Variants in ZNF385B observed in about 807,000 individuals in gnomAD.
ZNF385B encodes zinc finger protein 533.
A neutral mutation model predicts 39.2 loss-of-function variants in ZNF385B; 23 were observed. That is an observed-to-expected ratio of 0.59 (90% confidence interval 0.42 to 0.83). ZNF385B has a LOEUF of 0.83. Ranked by LOEUF, ZNF385B falls within the 40% of genes least tolerant of loss-of-function variation. ZNF385B has a pLI of 0.00. For synonymous variants in ZNF385B, 205 were observed against 222.6 expected (o/e 0.92, Z 0.70); for missense variants, 552 against 598.9 (o/e 0.92, Z 0.82).
intron 3 of ZNF385B, among the ~76,000 whole-genome samples, chr2:179,570,885 T>C (rs930211026): frequency 3.9e-5 from 6 of 152,212 alleles, no homozygotes; most frequent in Admixed American, 3.3e-4. Flanking sequence ...TCTGCATATG[T>C]TTCTGAAAAG....
intron 5 of ZNF385B, among the ~76,000 whole-genome samples, chr2:179,488,729 T>C (rs1361246920): frequency 6.6e-6 from 1 of 152,150 alleles, no homozygotes; most frequent in Non-Finnish European, 1.5e-5. Flanking sequence ...TAGATTTCAA[T>C]GTGTTAAGCA....
intron 3 of ZNF385B, among the ~76,000 whole-genome samples, chr2:179,604,354 G>C (rs1299274347): frequency 1.3e-5 from 2 of 151,786 alleles, no homozygotes; most frequent in Non-Finnish European, 2.9e-5. Context: ...CCTAAGACGG[G>C]GCTAATGATG....
intron 3 of ZNF385B, among the ~76,000 whole-genome samples, chr2:179,753,271 C>G (rs1702794281): frequency 6.6e-6 from 1 of 152,136 alleles, no homozygotes; most frequent in Non-Finnish European, 1.5e-5. Context: ...TCTGAGGGCT[C>G]TGTTCTGTTC....
At chr2:179,701,061 A>T (rs1423467089) in intron 3 of ZNF385B, among the ~76,000 whole-genome samples, 1 of 152,194 alleles carries the variant, frequency 6.6e-6, no homozygotes, top group Non-Finnish European at 1.5e-5. Context: ...ACTCATTGGT[A>T]TCATCTATAT....
intron 3 of ZNF385B, among the ~76,000 whole-genome samples, chr2:179,576,477 C>CA (rs1685832039): frequency 6.6e-6 from 1 of 152,150 alleles, no homozygotes; most frequent in Non-Finnish European, 1.5e-5. Context: ...CCTACATGGT[C>CA]ATAAATCTGA....
intron 3 of ZNF385B, among the ~76,000 whole-genome samples, chr2:179,637,958 C>T (rs1163355369): frequency 6.6e-6 from 1 of 152,148 alleles, no homozygotes; most frequent in Non-Finnish European, 1.5e-5. Flanking sequence ...TGAATTTGGA[C>T]TGGATTTTCG....
chr2:179,710,318 G>A (rs1575309287), intron 3 of ZNF385B, among the ~76,000 whole-genome samples: 2 of 152,196 alleles, frequency 1.3e-5, no homozygotes, highest in East Asian at 3.9e-4. Context: ...TATTGCCCTT[G>A]CCACAGGACT....
chr2:179,624,897 C>G (rs770499484), intron 3 of ZNF385B, among the ~76,000 whole-genome samples: 1 of 152,172 alleles, frequency 6.6e-6, no homozygotes, highest in Non-Finnish European at 1.5e-5. Flanking sequence ...TCTCTACCAT[C>G]CAGTTCCGTT....
At chr2:179,482,605 T>C (rs1225633641) in intron 6 of ZNF385B, among the ~76,000 whole-genome samples, 1 of 152,228 alleles carries the variant, frequency 6.6e-6, no homozygotes, top group Non-Finnish European at 1.5e-5. Context: ...TTCAGAGGCA[T>C]TTCACCTAGT....
intron 3 of ZNF385B, among the ~76,000 whole-genome samples, chr2:179,635,664 CA>C (rs1395987382): frequency 1.8e-4 from 27 of 152,006 alleles, no homozygotes; most frequent in Non-Finnish European, 3.4e-4. Context: ...ATATAGAAAT[CA>C]CAAAATATGA....
chr2:179,603,659 G>T (rs532383325), intron 3 of ZNF385B, among the ~76,000 whole-genome samples: 1 of 152,214 alleles, frequency 6.6e-6, no homozygotes, highest in South Asian at 2.1e-4. Flanking sequence ...ATTCTCTGAG[G>T]AAGGTAAAGA....
chr2:179,685,156 T>C (rs1367213467), intron 3 of ZNF385B, among the ~76,000 whole-genome samples: 1 of 152,250 alleles, frequency 6.6e-6, no homozygotes, highest in Non-Finnish European at 1.5e-5. Context: ...GTTTCTGGCC[T>C]TGCTTAATGA....
At chr2:179,614,475 G>C (rs1353344663) in intron 3 of ZNF385B, among the ~76,000 whole-genome samples, 3 of 152,162 alleles carry the variant, frequency 2.0e-5, no homozygotes, top group African/African-American at 7.2e-5. Context: ...TAAACTTCTA[G>C]GGTAAATTAT....
chr2:179,606,285 G>A (rs1460452051), intron 3 of ZNF385B, among the ~76,000 whole-genome samples: 2 of 152,114 alleles, frequency 1.3e-5, no homozygotes, highest in African/African-American at 2.4e-5. Context: ...GGTGTCTAGA[G>A]TTTAGAGCTG....
intron 3 of ZNF385B, among the ~76,000 whole-genome samples, chr2:179,581,276 C>A (rs954579753): frequency 6.6e-6 from 1 of 152,136 alleles, no homozygotes; most frequent in Non-Finnish European, 1.5e-5. Flanking sequence ...AGCATGGTTC[C>A]TTCTAATTCT....
At chr2:179,529,083 G>A (rs1387894912) in intron 4 of ZNF385B, among the ~76,000 whole-genome samples, 2 of 152,050 alleles carry the variant, frequency 1.3e-5, no homozygotes, top group East Asian at 3.8e-4. Context: ...TGGCGTTGAT[G>A]TTCCTATTTG....
At chr2:179,819,095 A>G (rs1330108695) in intron 1 of ZNF385B, among the ~76,000 whole-genome samples, 1 of 151,804 alleles carries the variant, frequency 6.6e-6, no homozygotes, top group Admixed American at 6.6e-5. Flanking sequence ...ACAAAATAGA[A>G]CTTAATGTCA....
chr2:179,716,593 C>T (rs1451820143), intron 3 of ZNF385B, among the ~76,000 whole-genome samples: 4 of 152,208 alleles, frequency 2.6e-5, no homozygotes, highest in Non-Finnish European at 5.9e-5. Context: ...ATTCCACAGT[C>T]TCTTCTAGAA....
intron 6 of ZNF385B, among the ~76,000 whole-genome samples, chr2:179,454,992 C>T (rs1023815164): frequency 6.6e-6 from 1 of 152,090 alleles, no homozygotes; most frequent in Non-Finnish European, 1.5e-5. Flanking sequence ...ATAAAGTCTA[C>T]AGTAATATCC....
Sources: gnomAD v4.1 joint callset for allele counts (sites outside exome capture counted in the v4.1 genomes callset) on GRCh38, gnomAD v4.1.1 for gene constraint, MANE v1.5 for transcripts, NCBI Gene and HGNC (gene_info 2026-07-23, HGNC 2026-07-21) for gene names.